Variants in PDE6A observed in about 807,000 individuals in gnomAD.
PDE6A encodes the protein phosphodiesterase 6A, also known as rod cGMP-specific 3',5'-cyclic phosphodiesterase subunit alpha.
In PDE6A, 84 loss-of-function variants were observed where a neutral mutation model predicts 106.3. The observed-to-expected ratio is 0.79, with a 90% confidence interval of 0.66 to 0.95. The LOEUF is 0.95. Ranked by LOEUF, PDE6A falls within the 40% of genes least tolerant of loss-of-function variation. The probability of loss-of-function intolerance (pLI) is 0.00; values close to 1 mark genes in which losing one functional copy is unlikely to be tolerated. For synonymous variants in PDE6A, 394 were observed against 386.6 expected, an observed-to-expected ratio of 1.02 and a Z score of -0.23; for missense variants, 1,052 against 1,084.9, an observed-to-expected ratio of 0.97 and a Z score of 0.43.
At chr5:149,934,798 G>A (rs1754137762) in intron 1 of PDE6A, 80 bp from the exon 2 acceptor site, 3 of 1,377,294 alleles carry the variant, frequency 2.2e-6, no homozygotes, top group South Asian at 1.2e-5. Flanking sequence ...CTGTTGACAA[G>A]GGAATAAAGG....
intron 13 of PDE6A, 59 bp from the exon 14 acceptor site, chr5:149,886,433 G>T: frequency 7.7e-7 from 1 of 1,298,198 alleles, no homozygotes; most frequent in Non-Finnish European, 1.1e-6. Context: ...AAGCAGGGCT[G>T]AAAAGGCGGG....
intron 20 of PDE6A, among the ~76,000 whole-genome samples, chr5:149,864,242 GA>G (rs1198181341): frequency 8.9e-6 from 1 of 112,278 alleles, no homozygotes; most frequent in Admixed American, 7.9e-5. Context: ...TTGAGAAGAT[GA>G]TTTTTTTTTT....
rs1040740206 is a variant in PDE6A at position 149,863,628 on chromosome 5, T to C, written c.2359-362A>G. 2.0e-5 allele frequency among the ~76,000 whole-genome samples: 3 copies of C among 149,498 alleles called. No individual in the cohort carries two copies. The highest frequency in any genetic ancestry group is 4.5e-5 in the Non-Finnish European group (3 of 66,946). On this transcript the variant is annotated intron_variant, in intron 20 of 21. Coordinates refer to ENST00000255266, the MANE Select transcript of PDE6A (RefSeq NM_000440.3). The surrounding 1 kb of genome is among the most constrained non-coding windows in gnomAD (Gnocchi z 4.7). ...GAGCCTCACACAAGCTGCTCTTTTCTTTTTTTTTTCTTTCCAAGACAGGGC... is the reference window on the plus strand; with the variant it reads ...GAGCCTCACACAAGCTGCTCTTTTCCTTTTTTTTTCTTTCCAAGACAGGGC...
chr5:149,920,986 G>GAAAC (rs1483384519), intron 5 of PDE6A, among the ~76,000 whole-genome samples: 1 of 134,128 alleles, frequency 7.5e-6, no homozygotes, highest in Non-Finnish European at 1.5e-5. Context: ...AAGAAAGAAA[G>GAAAC]AAAGAAAGAA....
intron 17 of PDE6A, among the ~76,000 whole-genome samples, chr5:149,870,461 C>T (rs547071202): frequency 3.6e-4 from 55 of 152,298 alleles, no homozygotes; most frequent in African/African-American, 1.2e-3. Flanking sequence ...GAGTCACTGG[C>T]TCCCTGGTGG....
At chr5:149,903,147 TAAAAAAAAAA>T (rs373566897) in intron 8 of PDE6A, among the ~76,000 whole-genome samples, 1 of 90,982 alleles carries the variant, frequency 1.1e-5, no homozygotes, top group East Asian at 3.4e-4. Context: ...AGACCCTCTC[TAAAAAAAAAA>T]AAAAAAAAAA....
At chr5:149,931,873 A>C in intron 3 of PDE6A, 1 of 618,016 alleles carries the variant, frequency 1.6e-6, no homozygotes, top group Non-Finnish European at 2.8e-6. Context: ...TGTTACCTCC[A>C]GAGTTTCTGG....
At chr5:149,914,401 T>C (rs2113627695) in intron 6 of PDE6A, among the ~76,000 whole-genome samples, 1 of 152,352 alleles carries the variant, frequency 6.6e-6, no homozygotes, top group East Asian at 1.9e-4. Flanking sequence ...CAGTTTTCCA[T>C]GTTTTGAGAT....
intron 3 of PDE6A, 135 bp downstream of exon 3, chr5:149,933,795 C>T: frequency 1.4e-6 from 1 of 701,924 alleles, no homozygotes; most frequent in Non-Finnish European, 2.6e-6. Flanking sequence ...CAACCACTAC[C>T]TCATAACACT....
chr5:149,936,483 G>C (rs559636014), intron 1 of PDE6A, among the ~76,000 whole-genome samples: 1 of 152,276 alleles, frequency 6.6e-6, no homozygotes, highest in East Asian at 1.9e-4. Flanking sequence ...ATTTCATGAA[G>C]TCATTTCAGT....
rs775541166 is a variant in PDE6A, at chr5:149,895,165, C to T, written c.1728+18G>A. 1 of 1,545,984 alleles carries T rather than the reference C, an allele frequency of 6.5e-7. No individual in the cohort carries two copies. Among genetic ancestry groups the T allele is most frequent in the Non-Finnish European group, 8.9e-7 (1 of 1,117,680 alleles). On this transcript the variant is annotated intron_variant, in intron 13 of 21. Coordinates refer to ENST00000255266, the MANE Select transcript of PDE6A (RefSeq NM_000440.3). ...GTGATGCAAGCCCACCCTACCAGCC[C>T]CACCGGCCCCGCCATACCACCAGCA...
intron 5 of PDE6A, 43 bp from the exon 6 acceptor site, chr5:149,915,050 T>C: frequency 7.5e-7 from 1 of 1,338,622 alleles, no homozygotes; most frequent in Non-Finnish European, 1.0e-6. Context: ...TTTTTTTTTT[T>C]TTTTGAGACA....
intron 1 of PDE6A, among the ~76,000 whole-genome samples, chr5:149,937,653 C>T (rs1393735123): frequency 6.6e-6 from 1 of 152,196 alleles, no homozygotes; most frequent in East Asian, 1.9e-4. Flanking sequence ...GCTGGGGTTA[C>T]AGGTGTCAGC....
chr5:149,932,117 T>C (rs879041550), intron 3 of PDE6A: 24 of 1,265,776 alleles, frequency 1.9e-5, no homozygotes, highest in Non-Finnish European at 2.7e-5. Context: ...CCGGAAGTTG[T>C]AGACGTCTAT....
Position 149,866,186 on chromosome 5 carries a change from C to G in PDE6A, c.2342G>C (p.Cys781Ser). ...AGGGCCTACCTTGTAGACGAAGGTG[C>G]AAACAAAGTCAATGAAGCCGACTTG... ...KLQVGFIDFV[C>S]TFVYKEFSRF... Residue 781 changes from cysteine (C) to serine (S), a missense_variant, in exon 20 of 22, where the codon TGC becomes TCC. Transcript: ENST00000255266. The G allele has an allele frequency of 1.2e-6, 2 of 1,613,754 alleles. No individual in the cohort carries two copies. The highest frequency in any genetic ancestry group is 1.7e-6 in the Non-Finnish European group (2 of 1,179,672).
chr5:149,884,086 G>A (rs1226862721), intron 16 of PDE6A, among the ~76,000 whole-genome samples: 2 of 151,702 alleles, frequency 1.3e-5, no homozygotes, highest in African/African-American at 4.8e-5. Context: ...AGCCACTCAG[G>A]AGGCTGAGGT....
intron 7 of PDE6A, among the ~76,000 whole-genome samples, chr5:149,906,917 G>A (rs558273284): frequency 6.6e-5 from 10 of 152,098 alleles, no homozygotes; most frequent in South Asian, 6.2e-4. Context: ...GATTACAGGC[G>A]CCTGCCACCA....
chr5:149,898,825 C>T (rs954156955), intron 9 of PDE6A, among the ~76,000 whole-genome samples: 4 of 152,120 alleles, frequency 2.6e-5, no homozygotes, highest in Admixed American at 6.6e-5. Flanking sequence ...TTGCTAAGAA[C>T]CTAAAACTAC....
intron 13 of PDE6A, among the ~76,000 whole-genome samples, chr5:149,893,908 A>C (rs1336538095): frequency 1.3e-5 from 2 of 152,192 alleles, no homozygotes; most frequent in Non-Finnish European, 2.9e-5. Context: ...CCACAATCAG[A>C]GGCCAAAGCA....
Sources: gnomAD v4.1 joint callset for allele counts (sites outside exome capture counted in the v4.1 genomes callset) on GRCh38, gnomAD v4.1.1 for gene constraint, Gnocchi (gnomAD v3.1) non-coding constraint, MANE v1.5 for transcripts, NCBI Gene and HGNC (gene_info 2026-07-23, HGNC 2026-07-21) for gene names.